Variants in RASAL2 observed in about 807,000 individuals in gnomAD.
RASAL2 encodes ras GTPase-activating protein nGAP.
RASAL2 carries 58 observed loss-of-function variants against 128.9 expected under a neutral mutation model. That is an observed-to-expected ratio of 0.45 (90% CI 0.36 to 0.56). RASAL2 has a LOEUF of 0.56. Among genes scored for constraint, RASAL2 ranks in the 20% least tolerant of loss-of-function variants. The pLI is 0.00. For missense variants in RASAL2, 1,360 were observed against 1,601.6 expected, an observed-to-expected ratio of 0.85 and a Z score of 2.57; for synonymous variants, 561 against 580.8, an observed-to-expected ratio of 0.97 and a Z score of 0.49.
chr1:178,164,916 C>G (rs1661469995), intron 1 of RASAL2, among the ~76,000 whole-genome samples: 1 of 147,734 alleles, frequency 6.8e-6, no homozygotes, highest in Admixed American at 6.8e-5. Context: ...TGGATTCAAC[C>G]AAGTATGTAT....
intron 3 of RASAL2, among the ~76,000 whole-genome samples, chr1:178,332,348 A>C (rs1056710334): frequency 1.2e-4 from 19 of 152,014 alleles, no homozygotes; most frequent in Admixed American, 1.2e-3. Flanking sequence ...CTAAAATCAC[A>C]CAAAAAAATT....
At chr1:178,455,684 G>A (rs955860184) in intron 12 of RASAL2, among the ~76,000 whole-genome samples, 3 of 152,106 alleles carry the variant, frequency 2.0e-5, no homozygotes, top group Non-Finnish European at 4.4e-5. Context: ...GTGAATCGTA[G>A]CCCAACATTA....
intron 15 of RASAL2, among the ~76,000 whole-genome samples, chr1:178,464,858 C>CTTTTTTTTTTTTTTTTTT (rs1647515637): frequency 2.7e-5 from 1 of 37,560 alleles, no homozygotes; most frequent in African/African-American, 1.4e-4. Flanking sequence ...TTTTTTTTTG[C>CTTTTTTTTTTTTTTTTTT]CTTTTCTGGA....
At chr1:178,139,825 A>G (rs932570505) in intron 1 of RASAL2, among the ~76,000 whole-genome samples, 40 of 152,218 alleles carry the variant, frequency 2.6e-4, no homozygotes, top group Admixed American at 2.6e-4. Context: ...AATGTACACA[A>G]ATTTTGATAT....
Position 178,473,343 on chromosome 1 carries a change from T to C in RASAL2, c.*104T>C. On this transcript the variant is annotated 3_prime_UTR_variant, in exon 18 of 18. Coordinates refer to ENST00000367649, the MANE Select transcript of RASAL2 (RefSeq NM_170692.4). The stretch of plus-strand genomic sequence containing the variant: ...TTTACAGAATGTTGCTACTTCACAA[T>C]GGCGATGTGGTGAGAAACTCCTGAA... 2.9e-6 allele frequency: 4 copies of C among 1,392,298 alleles called. No individual in the cohort carries two copies. Among genetic ancestry groups the C allele is most frequent in the Non-Finnish European group, 4.0e-6 (4 of 1,010,772 alleles). The allele number at this position is 1,392,298 out of a possible 1,614,324, so 86.2% of individuals were successfully genotyped here. A position where few individuals can be genotyped will look rare whatever the true frequency, so the allele number is the denominator to read the frequency against.
intron 3 of RASAL2, among the ~76,000 whole-genome samples, chr1:178,303,598 T>C (rs1667863235): frequency 6.6e-6 from 1 of 152,020 alleles, no homozygotes; most frequent in South Asian, 2.1e-4. Flanking sequence ...TCTTAAACAA[T>C]ACAAAAAACA....
Position 178,285,560 on chromosome 1 carries a change from A to T in RASAL2, c.330+1869A>T, listed in dbSNP as rs981822292. On this transcript the variant is annotated intron_variant, in intron 2 of 17. Transcript: ENST00000367649. ...CCTTTTCCAGCATTTTAATATTCTT[A>T]AATTTAATTTTATTAAAATAACTGA... is the stretch of plus-strand genomic sequence containing the variant. Among the ~76,000 whole-genome samples, 4 of 152,220 alleles carry T rather than the reference A, an allele frequency of 2.6e-5. No individual in the cohort carries two copies. In the South Asian group the frequency reaches 8.3e-4, roughly 31 times the overall value.
At chr1:178,115,625 G>T (rs940296632) in intron 1 of RASAL2, among the ~76,000 whole-genome samples, 2 of 152,208 alleles carry the variant, frequency 1.3e-5, no homozygotes, top group South Asian at 2.1e-4. Flanking sequence ...AGGGTACATG[G>T]CATAGTATAA....
At chr1:178,320,915 C>A (rs867659543) in intron 3 of RASAL2, among the ~76,000 whole-genome samples, 29 of 152,180 alleles carry the variant, frequency 1.9e-4, no homozygotes, top group Non-Finnish European at 2.2e-4. Flanking sequence ...CCCAGTTAAG[C>A]TCTCATTCAC....
chr1:178,432,649 T>C (rs1319215011), intron 5 of RASAL2, among the ~76,000 whole-genome samples: 1 of 152,046 alleles, frequency 6.6e-6, no homozygotes, highest in Non-Finnish European at 1.5e-5. Context: ...GTGAAGGACA[T>C]CACCATCTTT....
Position 178,130,850 on chromosome 1 carries a change from C to T in RASAL2, c.202+36156C>T, listed in dbSNP as rs143576904. Among the ~76,000 whole-genome samples the T allele has an allele frequency of 8.3e-4, 126 of 152,114 alleles. 1 individual carries two copies. Among genetic ancestry groups the T allele is most frequent in the African/African-American group, 2.8e-3 (118 of 41,510 alleles). ...CGGGCGGATCACGAGGTCAGGAGATCGAGACCATCCTGGCTAACACAGTGA... is the reference window on the plus strand; with the variant it reads ...CGGGCGGATCACGAGGTCAGGAGATTGAGACCATCCTGGCTAACACAGTGA... On this transcript the variant is annotated intron_variant, in intron 1 of 17. Transcript: ENST00000367649.
chr1:178,369,681 C>T (rs1671595743), intron 3 of RASAL2, among the ~76,000 whole-genome samples: 1 of 152,014 alleles, frequency 6.6e-6, no homozygotes. Flanking sequence ...AATAAGAAGA[C>T]CAATGGTATG....
chr1:178,101,808 G>A (rs1167908564), intron 1 of RASAL2, among the ~76,000 whole-genome samples: 1 of 152,156 alleles, frequency 6.6e-6, no homozygotes, highest in Non-Finnish European at 1.5e-5. Flanking sequence ...AGATCTTGCT[G>A]CCTTCCCTTA....
chr1:178,153,072 A>G (rs1660966692), intron 1 of RASAL2, among the ~76,000 whole-genome samples: 1 of 152,064 alleles, frequency 6.6e-6, no homozygotes, highest in Non-Finnish European at 1.5e-5. Flanking sequence ...ATATTTCTAG[A>G]TCTCTCTTAA....
Position 178,474,865 on chromosome 1 carries a change from T to C in RASAL2, c.*1626T>C, listed in dbSNP as rs974367765. On this transcript the variant is annotated 3_prime_UTR_variant, in exon 18 of 18. Transcript: ENST00000367649. ...ACAATGTTTCTCGAATAAGTTGATG[T>C]TGATTTTAAATTATAAGCTTTAAAG... The C allele has an allele frequency of 1.3e-5, 2 of 152,148 alleles. No homozygotes were observed. Among genetic ancestry groups the C allele is most frequent in the South Asian group, 4.1e-4 (2 of 4,820 alleles). The allele number at this position is 152,148 out of a possible 1,614,324, so 9.4% of individuals were successfully genotyped here.
At chr1:178,322,189 T>C (rs1052746264) in intron 3 of RASAL2, among the ~76,000 whole-genome samples, 1 of 152,090 alleles carries the variant, frequency 6.6e-6, no homozygotes, top group African/African-American at 2.4e-5. Context: ...TTTTTAATGA[T>C]CGACTTCCCT....
At chr1:178,219,270 A>G (rs943866047) in intron 1 of RASAL2, among the ~76,000 whole-genome samples, 9 of 152,306 alleles carry the variant, frequency 5.9e-5, no homozygotes, top group African/African-American at 2.2e-4. Flanking sequence ...TGGTTTGATC[A>G]TTTATTCAGA....
chr1:178,363,411 A>G (rs377592545), intron 3 of RASAL2, among the ~76,000 whole-genome samples: 13 of 152,090 alleles, frequency 8.5e-5, no homozygotes, highest in East Asian at 5.8e-4. Flanking sequence ...CCCTTATCAG[A>G]TACATGGTTT....
intron 17 of RASAL2, among the ~76,000 whole-genome samples, chr1:178,468,050 C>T (rs1362334243): frequency 6.6e-5 from 10 of 152,174 alleles, no homozygotes; most frequent in African/African-American, 2.4e-4. Flanking sequence ...CACTGTAGCT[C>T]ACACCTGTGA....
Sources: allele counts gnomAD v4.1 joint callset (sites outside exome capture counted in the v4.1 genomes callset), GRCh38; gene constraint gnomAD v4.1.1; transcripts MANE v1.5; gene names NCBI Gene and HGNC (gene_info 2026-07-23, HGNC 2026-07-21).